Variants in ANKUB1 observed in about 807,000 individuals in gnomAD.
The protein encoded by ANKUB1 is protein ANKUB1.
A neutral mutation model predicts 49.3 loss-of-function variants in ANKUB1; 42 were observed. That is an observed-to-expected ratio of 0.85 (90% CI 0.67 to 1.10). ANKUB1 has a LOEUF of 1.10. Ranked by LOEUF, ANKUB1 falls within the 50% of genes least tolerant of loss-of-function variation. The pLI is 0.00. For missense variants in ANKUB1, 613 were observed against 642.0 expected, an observed-to-expected ratio of 0.95 and a Z score of 0.49; for synonymous variants, 222 against 231.0, an observed-to-expected ratio of 0.96 and a Z score of 0.35.
chr3:149,772,560 A>G (rs2108268381), intron 3 of ANKUB1, among the ~76,000 whole-genome samples: 2 of 152,278 alleles, frequency 1.3e-5, no homozygotes, highest in East Asian at 1.9e-4. Context: ...ATAGCCTCCC[A>G]TCAGTTTACT....
intron 3 of ANKUB1, among the ~76,000 whole-genome samples, chr3:149,774,829 T>A (rs1375839626): frequency 1.3e-5 from 2 of 152,214 alleles, no homozygotes; most frequent in Non-Finnish European, 1.5e-5. Flanking sequence ...TGTAATGCCC[T>A]CTTTGTCAGA....
At chr3:149,783,743 T>C (rs954792478) in intron 2 of ANKUB1, 11 of 152,256 alleles carry the variant, frequency 7.2e-5, no homozygotes, top group Admixed American at 6.5e-4. Flanking sequence ...TATTTGTTTT[T>C]GTTGAACCAA....
chr3:149,781,152 A>G (rs1717851574), intron 2 of ANKUB1, among the ~76,000 whole-genome samples: 1 of 152,038 alleles, frequency 6.6e-6, no homozygotes, highest in Admixed American at 6.6e-5. Context: ...AAAGGGAAAT[A>G]CCAAACATAG....
At chr3:149,788,587 T>C (rs554372699) in intron 2 of ANKUB1, among the ~76,000 whole-genome samples, 17 of 152,172 alleles carry the variant, frequency 1.1e-4, no homozygotes, top group African/African-American at 4.1e-4. Context: ...ACCCCTACTT[T>C]TTATTTATAG....
intron 5 of ANKUB1, chr3:149,764,117 A>G (rs1716890700): frequency 2.3e-6 from 1 of 439,624 alleles, no homozygotes; most frequent in African/African-American, 2.0e-5. Context: ...GCATGTAGCC[A>G]TCAAGATAGC....
chr3:149,785,740 T>C (rs572163354), intron 2 of ANKUB1, among the ~76,000 whole-genome samples: 38 of 152,176 alleles, frequency 2.5e-4, no homozygotes, highest in Non-Finnish European at 4.6e-4. Context: ...TGTGTCTTTA[T>C]AGCAGCATGA....
chr3:149,766,630 T>C (rs1337949539), intron 5 of ANKUB1: 1 of 483,954 alleles, frequency 2.1e-6, no homozygotes, highest in Non-Finnish European at 3.8e-6. Flanking sequence ...TGAGTCCTCA[T>C]CTCTACAGAA....
chr3:149,766,416 TTC>T (rs1206706597), intron 5 of ANKUB1, among the ~76,000 whole-genome samples: 2 of 152,240 alleles, frequency 1.3e-5, no homozygotes, highest in African/African-American at 4.8e-5. Flanking sequence ...TATTTCAGTT[TTC>T]TCTCTTTCCC....
chr3:149,791,630 T>C (rs1203264278), intron 1 of ANKUB1, among the ~76,000 whole-genome samples: 1 of 152,166 alleles, frequency 6.6e-6, no homozygotes, highest in Admixed American at 6.5e-5. Context: ...GCTTAGCAAA[T>C]AGGAATGACC....
At chr3:149,780,641 C>G (rs1717820909) in intron 2 of ANKUB1, among the ~76,000 whole-genome samples, 186 bp from the exon 3 acceptor site, 2 of 152,118 alleles carry the variant, frequency 1.3e-5, no homozygotes, top group Non-Finnish European at 2.9e-5. Flanking sequence ...TAACAGGTCC[C>G]CCTGTTTGAG....
intron 3 of ANKUB1, among the ~76,000 whole-genome samples, chr3:149,776,024 G>C (rs1486490347): frequency 2.6e-5 from 4 of 152,104 alleles, no homozygotes; most frequent in Admixed American, 2.6e-4. Context: ...TGATAAGTTA[G>C]TCATTAGATA....
intron 2 of ANKUB1, 35 bp from the exon 3 acceptor site, chr3:149,780,490 G>C (rs893575751): frequency 2.6e-6 from 4 of 1,509,594 alleles, no homozygotes; most frequent in Non-Finnish European, 3.6e-6. Flanking sequence ...CTTATTGTCT[G>C]GAGGTTCAGA....
At chr3:149,775,791 T>A (rs1461139137) in intron 3 of ANKUB1, among the ~76,000 whole-genome samples, 1 of 152,098 alleles carries the variant, frequency 6.6e-6, no homozygotes, top group East Asian at 1.9e-4. Flanking sequence ...CAGATAAGCA[T>A]GTGGATCAGA....
chr3:149,779,014 T>C (rs1717729910), intron 3 of ANKUB1: 1 of 152,156 alleles, frequency 6.6e-6, no homozygotes, highest in African/African-American at 2.4e-5. Flanking sequence ...TTTTAAAAAG[T>C]GTGAAATGTT....
At chr3:149,764,726 T>C (rs992773634) in intron 5 of ANKUB1, among the ~76,000 whole-genome samples, 1 of 151,190 alleles carries the variant, frequency 6.6e-6, no homozygotes, top group African/African-American at 2.4e-5. Flanking sequence ...CCTTCCTTCC[T>C]TATTTTCTTT....
In ANKUB1 at chr3:149,781,276, T is replaced by C. The variant is rs73005795; in HGVS notation, c.235-821A>G. 9.1e-3 allele frequency among the ~76,000 whole-genome samples: 1,393 copies of C among 152,352 alleles called. 19 individuals are homozygous for C. The highest frequency in any genetic ancestry group is 0.031 in the African/African-American group (1,305 of 41,568). Reference sequence around the variant, plus strand: ...GAAAGTTTGAGGAAAATATTAATACTTCTGTTAACAACAGTTTAAACAAGC... The same window carrying C: ...GAAAGTTTGAGGAAAATATTAATACCTCTGTTAACAACAGTTTAAACAAGC... On this transcript the variant is annotated intron_variant, in intron 2 of 5. Transcript: ENST00000446160.
intron 5 of ANKUB1, among the ~76,000 whole-genome samples, chr3:149,762,099 C>T (rs915405166): frequency 2.0e-5 from 3 of 152,106 alleles, no homozygotes; most frequent in Admixed American, 6.6e-5. Flanking sequence ...AATTTGAATA[C>T]GATTACTCTT....
chr3:149,762,832 C>T (rs1240741624), intron 5 of ANKUB1, among the ~76,000 whole-genome samples: 1 of 151,788 alleles, frequency 6.6e-6, no homozygotes, highest in African/African-American at 2.4e-5. Context: ...GTCTTATCTC[C>T]AGCCAGTTCT....
chr3:149,767,898 A>G lies in ANKUB1; in HGVS notation c.764T>C (p.Ile255Thr). ...ACTGTAGTTGACAAAGGCCTTCAGA[A>G]TCAACAGTTGGCCTGCTTCTGCGGC... ...HAAAEAGQLLILKAFVNYSVL... is the reference protein window; with the variant it reads ...HAAAEAGQLLTLKAFVNYSVL... Residue 255 changes from isoleucine (I) to threonine (T), a missense_variant, in exon 5 of 6, where the codon ATT (isoleucine) becomes ACT (threonine). Transcript: ENST00000446160. The G allele has an allele frequency of 6.4e-7, 1 of 1,551,480 alleles. No homozygotes were observed. Among genetic ancestry groups the G allele is most frequent in the African/African-American group, 1.4e-5 (1 of 73,170 alleles).
Sources: allele counts gnomAD v4.1 joint callset (sites outside exome capture counted in the v4.1 genomes callset), GRCh38; gene constraint gnomAD v4.1.1; transcripts MANE v1.5; gene names NCBI Gene and HGNC (gene_info 2026-07-23, HGNC 2026-07-21).